The following SDK2 variants were observed in gnomAD, a reference collection of about 807,000 sequenced individuals.
SDK2 encodes sidekick cell adhesion molecule 2, also known as protein sidekick-2.
A neutral mutation model predicts 253.9 loss-of-function variants in SDK2; 105 were observed. The ratio of observed to expected loss-of-function variants is 0.41; its 90% CI spans 0.35 to 0.49. SDK2 has a LOEUF of 0.49. SDK2 is among the 20% of genes least tolerant of loss of function. The probability of loss-of-function intolerance (pLI) is 0.06; values close to 1 mark genes in which losing one functional copy is unlikely to be tolerated. For missense variants in SDK2, 2,608 were observed against 3,003.0 expected (o/e 0.87, Z 3.07); for synonymous variants, 1,249 against 1,234.9 (o/e 1.01, Z -0.24).
At position 73,507,421 on chromosome 17, in the gene SDK2, G is replaced by T. The variant is rs965794236; in HGVS notation, c.224+17C>A. The T allele has an allele frequency of 6.5e-7, 1 of 1,542,716 alleles. No homozygotes were observed. Among genetic ancestry groups the T allele is most frequent in the Admixed American group, 2.0e-5 (1 of 50,860 alleles). On this transcript the variant is annotated intron_variant, in intron 2 of 44. Transcript: ENST00000392650. ...GGTCCTGGCAGCCAGGAGGAAGGGC[G>T]GGGAGGGGCAGTTTACCTGTATTCC...
intron 1 of SDK2, among the ~76,000 whole-genome samples, chr17:73,545,321 G>C (rs7210325): frequency 1.3e-5 from 2 of 152,108 alleles, no homozygotes; most frequent in African/African-American, 4.8e-5. Flanking sequence ...CACCCCTACT[G>C]TATGTGGTTC....
chr17:73,422,388 G>A lies in SDK2; in HGVS notation c.1944C>T (p.Thr648=). The part of the protein sequence containing the change: ...VLLASVDPKA[T]SVTVKGLVPA... ...GAACCAGGCCCTTGACTGTCACTGA[G>A]GTAGCTTTGGGGTCCACACTGGCCA... is the stretch of plus-strand genomic sequence containing the variant. The change falls in exon 15 of 45, where the codon ACC becomes ACT. Residue 648 remains threonine (T), a synonymous_variant. Coordinates refer to ENST00000392650, the MANE Select transcript of SDK2 (RefSeq NM_001144952.2). 1.2e-6 allele frequency: 2 copies of A among 1,614,006 alleles called. No individual in the cohort carries two copies. The highest frequency in any genetic ancestry group is 1.7e-6 in the Non-Finnish European group (2 of 1,179,892).
intron 18 of SDK2, among the ~76,000 whole-genome samples, chr17:73,404,042 TTAAA>T (rs1419841884): frequency 1.3e-5 from 2 of 152,212 alleles, no homozygotes; most frequent in African/African-American, 4.8e-5. Flanking sequence ...ACCATTTTTT[TTAAA>T]TAAAGGAAAA....
intron 3 of SDK2, among the ~76,000 whole-genome samples, chr17:73,469,241 C>T (rs754937992): frequency 6.6e-6 from 1 of 152,218 alleles, no homozygotes; most frequent in Non-Finnish European, 1.5e-5. Flanking sequence ...CAGCAACTCC[C>T]TGGATCTCAG....
At chr17:73,442,909 T>A (rs2063427101) in intron 5 of SDK2, among the ~76,000 whole-genome samples, 1 of 151,814 alleles carries the variant, frequency 6.6e-6, no homozygotes, top group African/African-American at 2.4e-5. Context: ...TTTTTTTTTT[T>A]AAAGTAGAGG....
At chr17:73,384,939 T>C (rs898385482) in intron 32 of SDK2, among the ~76,000 whole-genome samples, 4 of 152,226 alleles carry the variant, frequency 2.6e-5, no homozygotes, top group African/African-American at 7.2e-5. Context: ...CTCTGCCACG[T>C]TGCTCCAGCC....
At chr17:73,535,569 C>G (rs1438729043) in intron 1 of SDK2, among the ~76,000 whole-genome samples, 1 of 152,168 alleles carries the variant, frequency 6.6e-6, no homozygotes. Flanking sequence ...ACATCCTGTT[C>G]CCCAGGAAAT....
intron 28 of SDK2, 36 bp from the exon 29 acceptor site, chr17:73,390,517 A>T: frequency 1.3e-6 from 2 of 1,571,594 alleles, no homozygotes; most frequent in Non-Finnish European, 8.6e-7. Context: ...TATGGCAAGC[A>T]AGGCAAGCCG....
At position 73,509,902 on chromosome 17, in the gene SDK2, C is replaced by CAAAAAAAAAAAA. The variant is rs71157018; in HGVS notation, c.65-2317_65-2306dup. ...GCAACAGAGCAAGACTCCATCTCTA[C>CAAAAAAAAAAAA]AAAAAAAAAAAAAAAAAAAAGAAGG... On this transcript the variant is annotated intron_variant, in intron 1 of 44. Coordinates refer to ENST00000392650, the MANE Select transcript of SDK2 (RefSeq NM_001144952.2). Among the ~76,000 whole-genome samples the CAAAAAAAAAAAA allele has an allele frequency of 7.5e-4, 19 of 25,376 alleles. 2 individuals carry two copies. The highest frequency in any genetic ancestry group is 2.1e-3 in the South Asian group (1 of 486). The allele number at this position is 25,376 out of a possible 152,430, so 16.6% of individuals were successfully genotyped here. A position where few individuals can be genotyped will look rare whatever the true frequency, so the allele number is the denominator to read the frequency against.
At chr17:73,463,685 A>C (rs2063579022) in intron 3 of SDK2, among the ~76,000 whole-genome samples, 1 of 152,174 alleles carries the variant, frequency 6.6e-6, no homozygotes, top group African/African-American at 2.4e-5. Context: ...TATCCTGTAT[A>C]TAGTCTTCCG....
Position 73,352,333 on chromosome 17 carries a change from A to G in SDK2, c.5758+140T>C. 7 of 1,088,536 alleles carry G rather than the reference A, an allele frequency of 6.4e-6. No individual in the cohort carries two copies. The South Asian group carries it at 1.1e-4, about 18-fold the overall frequency. The allele number at this position is 1,088,536 out of a possible 1,614,324, so 67.4% of individuals were successfully genotyped here. On this transcript the variant is annotated intron_variant, in intron 41 of 44. Coordinates refer to ENST00000392650, the MANE Select transcript of SDK2 (RefSeq NM_001144952.2). This position sits in a 1 kb window ranked among gnomAD's most constrained non-coding sequence, Gnocchi z 4.1. ...TGGGCACCAGCACTTGCCTCTTCAC[A>G]GCCCCGAGGGGACAATGTGTTTTTG... is the stretch of plus-strand genomic sequence containing the variant.
intron 18 of SDK2, among the ~76,000 whole-genome samples, chr17:73,409,254 G>A (rs1234302352): frequency 6.6e-6 from 1 of 152,226 alleles, no homozygotes; most frequent in African/African-American, 2.4e-5. Flanking sequence ...GCCAAGGTGG[G>A]TGGATCATTT....
intron 1 of SDK2, among the ~76,000 whole-genome samples, chr17:73,588,430 T>C (rs1191309725): frequency 6.6e-6 from 1 of 150,618 alleles, no homozygotes; most frequent in African/African-American, 2.5e-5. Flanking sequence ...ATGCAAATTC[T>C]GGGCCTTGTC....
chr17:73,437,631 G>C, intron 8 of SDK2, 108 bp downstream of exon 8: 1 of 967,516 alleles, frequency 1.0e-6, no homozygotes, highest in Non-Finnish European at 1.7e-6. Flanking sequence ...TCTCTGCCTA[G>C]TGACATGGTC....
chr17:73,543,927 G>C (rs1428612227), intron 1 of SDK2, among the ~76,000 whole-genome samples: 3 of 152,236 alleles, frequency 2.0e-5, no homozygotes, highest in Non-Finnish European at 4.4e-5. Context: ...AGAGATGCAA[G>C]TGCTCTGAAA....
Position 73,348,602 on chromosome 17 carries a change from A to G in SDK2, c.6162T>C (p.Ser2054=). The change falls in exon 44 of 45, where the codon TCT becomes TCC. Residue 2054 remains serine (S), a synonymous_variant. Coordinates refer to ENST00000392650, the MANE Select transcript of SDK2 (RefSeq NM_001144952.2). ...CACCTGGCCCTCCTGCCCTCACCTG[A>G]GAGTCGGAGATTTCTGAGGGCTTCT... The part of the protein sequence containing the change: ...LTEKPSEISD[S]QGSDSEYEVD... 1 of 1,612,408 alleles carries G rather than the reference A, an allele frequency of 6.2e-7. No homozygotes were observed.
intron 5 of SDK2, among the ~76,000 whole-genome samples, chr17:73,445,622 G>T (rs965322964): frequency 7.9e-5 from 12 of 152,124 alleles, no homozygotes; most frequent in Non-Finnish European, 1.5e-4. Context: ...CAGACGGAGG[G>T]GTGAGGCCCA....
intron 1 of SDK2, chr17:73,517,163 T>C (rs1036216525): frequency 6.6e-6 from 1 of 152,154 alleles, no homozygotes; most frequent in Non-Finnish European, 1.5e-5. Context: ...TTGGGAAATA[T>C]GTGGCAAATG....
At position 73,437,790 on chromosome 17, in the gene SDK2, G is replaced by A. The variant is rs893874208; in HGVS notation, c.949C>T (p.His317Tyr). Reference protein sequence around the residue: ...PPQFVKEPERHITAEMEKVVD... With the variant: ...PPQFVKEPERYITAEMEKVVD... ...ACCTTCTCCATCTCCGCAGTGATGT[G>A]TCTTTCTGGCTCCTTGACAAACTGA... Residue 317 changes from histidine to tyrosine, a missense_variant, in exon 8 of 45, where the codon CAC becomes TAC. Physicochemically the swap from His to Tyr is moderately conservative, Grantham distance 83. This residue lies in a region of SDK2 where 1,505 missense variants were observed against 1,859.1 expected (regional missense o/e 0.81). Coordinates refer to ENST00000392650, the MANE Select transcript of SDK2 (RefSeq NM_001144952.2). 1.2e-6 allele frequency: 2 copies of A among 1,614,008 alleles called. No individual in the cohort carries two copies. Among genetic ancestry groups the A allele is most frequent in the African/African-American group, 1.3e-5 (1 of 75,052 alleles).
Sources: gnomAD v4.1 joint callset for allele counts (sites outside exome capture counted in the v4.1 genomes callset) on GRCh38, gnomAD v4.1.1 for gene constraint, gnomAD v4.1.1 regional missense constraint, Gnocchi (gnomAD v3.1) non-coding constraint, MANE v1.5 for transcripts, NCBI Gene and HGNC (gene_info 2026-07-23, HGNC 2026-07-21) for gene names.